Variants in CCDC57 observed in about 807,000 individuals in gnomAD.
CCDC57 encodes the protein coiled-coil domain containing 57, also known as coiled-coil domain-containing protein 57.
In CCDC57, 118 loss-of-function variants were observed where a neutral mutation model predicts 118.9. That is an observed-to-expected ratio of 0.99 (90% CI 0.86 to 1.16). The LOEUF (loss-of-function observed/expected upper bound fraction) is 1.16. Among genes scored for constraint, CCDC57 ranks in the 50% most tolerant of loss-of-function variants. CCDC57 has a pLI of 0.00. For missense variants in CCDC57, 1,300 were observed against 1,320.7 expected, an observed-to-expected ratio of 0.98 and a Z score of 0.24; for synonymous variants, 527 against 532.9, an observed-to-expected ratio of 0.99 and a Z score of 0.15.
At chr17:82,198,240 G>T in intron 4 of CCDC57, 74 bp downstream of exon 3, 1 of 881,918 alleles carries the variant, frequency 1.1e-6, no homozygotes, top group Non-Finnish European at 1.8e-6. Flanking sequence ...CTTTTCCTCA[G>T]CCCTATATGA....
rs1333852435 is a variant in CCDC57 at position 82,183,826 on chromosome 17, C to T, written c.1159G>A (p.Glu387Lys). 1.9e-6 allele frequency: 3 copies of T among 1,604,246 alleles called. No individual in the cohort carries two copies. In the East Asian group the frequency reaches 6.7e-5, roughly 36 times the overall value. Reference sequence around the variant, plus strand: ...ACCTGTGCCTTGAGCTTCACCTCTTCTTCCTGCAGCGTCTGAATCTGAAGG... The same window carrying T: ...ACCTGTGCCTTGAGCTTCACCTCTTTTTCCTGCAGCGTCTGAATCTGAAGG... Residue 387 changes from glutamate to lysine, a missense_variant, in exon 9 of 20, where the codon GAA (glutamate) becomes AAA (lysine). Glu to Lys is a moderately conservative substitution (Grantham distance 56, BLOSUM62 1). Transcript: ENST00000665763.
intron 19 of CCDC57, among the ~76,000 whole-genome samples, chr17:82,119,216 T>C (rs2036338574): frequency 6.6e-6 from 1 of 152,070 alleles, no homozygotes; most frequent in South Asian, 2.1e-4. Flanking sequence ...TGCCTTTGTA[T>C]ATTTAATGCT....
intron 16 of CCDC57, among the ~76,000 whole-genome samples, chr17:82,149,760 C>T (rs2041598260): frequency 1.3e-5 from 2 of 151,710 alleles, no homozygotes; most frequent in East Asian, 1.9e-4. Flanking sequence ...GAACCAGGCG[C>T]ACACCCAGAA....
Position 82,157,968 on chromosome 17 carries a change from C to A in CCDC57, c.2041-20G>T. The stretch of plus-strand genomic sequence containing the variant: ...CAGCACCTAGGGGTCATTTCAAAGG[C>A]AGTGTGAGGAATGAGGCAGTGGCTG... On this transcript the variant is annotated intron_variant, in intron 14 of 19. Coordinates refer to ENST00000665763, the Ensembl canonical transcript of CCDC57. 1 of 1,546,102 alleles carries A rather than the reference C, an allele frequency of 6.5e-7. No homozygotes were observed.
At chr17:82,203,613 C>A (rs76508782) in intron 2 of CCDC57, among the ~76,000 whole-genome samples, 1 of 152,178 alleles carries the variant, frequency 6.6e-6, no homozygotes, top group East Asian at 1.9e-4. Context: ...AGGAGTTCCA[C>A]GCTGCAGTGA....
At chr17:82,148,202 G>A (rs1352684677) in intron 16 of CCDC57, among the ~76,000 whole-genome samples, 7 of 142,134 alleles carry the variant, frequency 4.9e-5, no homozygotes, top group African/African-American at 1.0e-4. Context: ...TGGGTGCGTG[G>A]ATGGTAGATG....
intron 14 of CCDC57, among the ~76,000 whole-genome samples, chr17:82,162,574 G>A (rs1482604552): frequency 3.3e-5 from 5 of 151,748 alleles, no homozygotes; most frequent in East Asian, 1.9e-4. Context: ...CCCTCTGAGC[G>A]GGCAGGTGGC....
In CCDC57 at chr17:82,151,250, GGCACAC is replaced by G. The variant is rs1328238894; in HGVS notation, c.2455+304_2455+309del. Among the ~76,000 whole-genome samples, 28 of 145,424 alleles carry G rather than the reference GGCACAC, an allele frequency of 1.9e-4. 1 individual carries two copies. Among genetic ancestry groups the G allele is most frequent in the East Asian group, 6.3e-4 (3 of 4,764 alleles). On this transcript the variant is annotated intron_variant, in intron 16 of 19. Transcript: ENST00000665763. ...AGAACCTGGCACACACCCAGAACCT[GGCACAC>G]ACCCAGAACCTGACCCGCACCCAGA...
chr17:82,173,003 G>T, intron 11 of CCDC57, 143 bp from the exon 11 acceptor site: 1 of 703,362 alleles, frequency 1.4e-6, no homozygotes, highest in Non-Finnish European at 2.5e-6. Flanking sequence ...CCATCCCCAG[G>T]CTGTGATGCC....
At chr17:82,177,491 T>C (rs1886414734) in intron 11 of CCDC57, among the ~76,000 whole-genome samples, 1 of 152,040 alleles carries the variant, frequency 6.6e-6, no homozygotes, top group African/African-American at 2.4e-5. Flanking sequence ...GAGATTGCAG[T>C]GAGCTGAGAT....
intron 19 of CCDC57, chr17:82,104,984 C>T (rs1043658258): frequency 6.6e-6 from 1 of 152,304 alleles, no homozygotes. Context: ...TTCTGGCCAC[C>T]CTGTGAGTTT....
rs55941734 is a variant in CCDC57 at position 82,212,397 on chromosome 17, C to CTTTT, written c.-211+384_-211+387dup. 1.5e-5 allele frequency among the ~76,000 whole-genome samples: 2 copies of CTTTT among 135,138 alleles called. No homozygotes were observed. The highest frequency in any genetic ancestry group is 1.5e-5 in the Non-Finnish European group (1 of 65,084). The allele number at this position is 135,138 out of a possible 152,430, so 88.7% of individuals were successfully genotyped here. ...CGCCTCCGGCCTTTTTTTTTCCTCT[C>CTTTT]TTTTTTTTTTTTTTTTTTTAAACTC... On this transcript the variant is annotated intron_variant, in intron 1 of 19. Coordinates refer to ENST00000665763, the Ensembl canonical transcript of CCDC57. The surrounding 1 kb of genome is among the most constrained non-coding windows in gnomAD (Gnocchi z 4.1).
At chr17:82,101,604 CACA>C (rs1568124929) in exon 20 of CCDC57, 3 of 1,255,752 alleles carry the variant, frequency 2.4e-6, no homozygotes, top group Non-Finnish European at 3.4e-6. Flanking sequence ...CACACCCCCC[CACA>C]ACACGTAGGT....
exon 3 of CCDC57, chr17:82,201,866 G>C: frequency 6.2e-7 from 1 of 1,613,120 alleles, no homozygotes; most frequent in Non-Finnish European, 8.5e-7. Flanking sequence ...TGGGTGCGGT[G>C]TGCCTGCAGC....
In CCDC57 at chr17:82,212,393, C is replaced by T. The variant is rs1309093230; in HGVS notation, c.-211+392G>A. On this transcript the variant is annotated intron_variant, in intron 1 of 19. Transcript: ENST00000665763. This position sits in a 1 kb window ranked among gnomAD's most constrained non-coding sequence, Gnocchi z 4.1. ...CCACCGCCTCCGGCCTTTTTTTTTCCTCTCTTTTTTTTTTTTTTTTTTTAA... is the reference window on the plus strand; with the variant it reads ...CCACCGCCTCCGGCCTTTTTTTTTCTTCTCTTTTTTTTTTTTTTTTTTTAA... Among the ~76,000 whole-genome samples, 13 of 12,222 alleles carry T rather than the reference C, an allele frequency of 1.1e-3. No homozygotes were observed. Among genetic ancestry groups the T allele is most frequent in the Middle Eastern group, 0.062 (1 of 16 alleles). 8.0% of individuals were successfully genotyped at this position (12,222 alleles called of 152,430 possible). A position where few individuals can be genotyped will look rare whatever the true frequency, so the allele number is the denominator to read the frequency against.
chr17:82,138,693 C>CGGAAGAGACGCGTGGCCTGCCCCGGGTG (rs2039618300), intron 16 of CCDC57, among the ~76,000 whole-genome samples: 1 of 148,010 alleles, frequency 6.8e-6, no homozygotes, highest in Non-Finnish European at 1.5e-5. Flanking sequence ...TGCCCCGGGT[C>CGGAAGAGACGCGTGGCCTGCCCCGGGTG]GGAAGAGACG....
chr17:82,173,680 C>T (rs1182153818), intron 11 of CCDC57, among the ~76,000 whole-genome samples: 3 of 152,200 alleles, frequency 2.0e-5, no homozygotes, highest in African/African-American at 7.2e-5. Context: ...CATAATCAAG[C>T]TGCTGAAAAA....
At chr17:82,187,746 G>A (rs1484100854) in intron 8 of CCDC57, among the ~76,000 whole-genome samples, 3 of 102,248 alleles carry the variant, frequency 2.9e-5, no homozygotes, top group Non-Finnish European at 6.1e-5. Context: ...GGAACTGGCG[G>A]GGGTTGCGGG....
In CCDC57 at chr17:82,126,770, G is replaced by A. The variant is rs1430930771; in HGVS notation, c.2899+922C>T. On this transcript the variant is annotated intron_variant, in intron 19 of 19. Coordinates refer to ENST00000665763, the Ensembl canonical transcript of CCDC57. ...TGTGTTTTCACACACACTGCAGCCT[G>A]TAAGGTTACTATTCTAACAGTATCT... The A allele has an allele frequency of 7.1e-6, 7 of 985,352 alleles. No homozygotes were observed. In the East Asian group the frequency reaches 3.4e-4, roughly 48 times the overall value. 61.0% of individuals were successfully genotyped at this position (985,352 alleles called of 1,614,324 possible).
Sources: allele counts gnomAD v4.1 joint callset (sites outside exome capture counted in the v4.1 genomes callset), GRCh38; gene constraint gnomAD v4.1.1; non-coding constraint Gnocchi (gnomAD v3.1); transcripts MANE v1.5; gene names NCBI Gene and HGNC (gene_info 2026-07-23, HGNC 2026-07-21).